DPP10: variants seen among roughly 807,000 people sequenced by gnomAD.
DPP10 encodes the protein inactive dipeptidyl peptidase 10.
Under a neutral mutation model 120.9 loss-of-function variants are expected in DPP10, and 33 were observed. The observed-to-expected ratio is 0.27, with a 90% CI of 0.21 to 0.37. The LOEUF is 0.37. Ranked by LOEUF, DPP10 falls within the 10% of genes least tolerant of loss-of-function variation. The pLI is 1.00. For synonymous variants in DPP10, 337 were observed against 326.1 expected (o/e 1.03, Z -0.36); for missense variants, 816 against 942.8 (o/e 0.87, Z 1.76).
chr2:115,841,465 T>G (rs1690139159), intron 25 of DPP10, among the ~76,000 whole-genome samples: 1 of 152,094 alleles, frequency 6.6e-6, no homozygotes, highest in African/African-American at 2.4e-5. Flanking sequence ...AAGGAAAAAG[T>G]AAAGTCATTT....
chr2:115,469,647 C>T (rs547298107), intron 3 of DPP10, among the ~76,000 whole-genome samples: 57 of 152,210 alleles, frequency 3.7e-4, no homozygotes, highest in Admixed American at 3.2e-3. Context: ...ACCTGTAATC[C>T]GAGCACTTTG....
Position 114,834,229 on chromosome 2 carries a change from G to A in DPP10, c.60+391391G>A, listed in dbSNP as rs1027951724. ...TCTACACACCTATGTATATATATAGGCCATATCTACACACCTATGTATATA... is the reference window on the plus strand; with the variant it reads ...TCTACACACCTATGTATATATATAGACCATATCTACACACCTATGTATATA... On this transcript the variant is annotated intron_variant, in intron 1 of 25. Coordinates refer to ENST00000410059, the MANE Select transcript of DPP10 (RefSeq NM_020868.6). 2.4e-4 allele frequency among the ~76,000 whole-genome samples: 34 copies of A among 139,814 alleles called. 1 individual carries two copies. Among genetic ancestry groups the A allele is most frequent in the African/African-American group, 8.5e-4 (31 of 36,590 alleles). The allele number at this position is 139,814 out of a possible 152,430, so 91.7% of individuals were successfully genotyped here. A position where few individuals can be genotyped will look rare whatever the true frequency, so the allele number is the denominator to read the frequency against.
At chr2:114,655,838 G>A (rs1183090532) in intron 1 of DPP10, among the ~76,000 whole-genome samples, 1 of 151,992 alleles carries the variant, frequency 6.6e-6, no homozygotes, top group African/African-American at 2.4e-5. Context: ...CATTACAAAG[G>A]AATCTCATTG....
intron 5 of DPP10, among the ~76,000 whole-genome samples, chr2:115,548,020 C>A (rs1293923982): frequency 6.6e-6 from 1 of 152,008 alleles, no homozygotes; most frequent in Non-Finnish European, 1.5e-5. Context: ...ACAATAAAAC[C>A]TTGATTAGCT....
At chr2:115,672,710 C>CTTTCTTTCTTTCTTTCTTTCTT (rs10648959) in intron 5 of DPP10, among the ~76,000 whole-genome samples, 3 of 14,174 alleles carry the variant, frequency 2.1e-4, no homozygotes, top group Non-Finnish European at 1.0e-3. Context: ...TTCTTTCTTT[C>CTTTCTTTCTTTCTTTCTTTCTT]TCTTTCTTTC....
chr2:114,726,810 C>T (rs1250252404), intron 1 of DPP10, among the ~76,000 whole-genome samples: 1 of 151,952 alleles, frequency 6.6e-6, no homozygotes, highest in Non-Finnish European at 1.5e-5. Context: ...CTCATTTTTT[C>T]CTGGGAATAT....
intron 19 of DPP10, among the ~76,000 whole-genome samples, chr2:115,801,593 T>A (rs906040307): frequency 6.6e-6 from 1 of 152,188 alleles, no homozygotes; most frequent in Non-Finnish European, 1.5e-5. Context: ...CTCTTATTAT[T>A]TGAGATACGT....
At chr2:114,648,073 T>C (rs570333428) in intron 1 of DPP10, among the ~76,000 whole-genome samples, 3 of 152,300 alleles carry the variant, frequency 2.0e-5, no homozygotes, top group South Asian at 2.1e-4. Context: ...GCTCCCTTCA[T>C]AGATTGTTTT....
intron 7 of DPP10, among the ~76,000 whole-genome samples, chr2:115,707,099 T>A (rs1256675167): frequency 1.3e-5 from 2 of 151,948 alleles, no homozygotes; most frequent in Admixed American, 6.6e-5. Context: ...AAAGCAAATA[T>A]ACACTTTAAT....
intron 1 of DPP10, among the ~76,000 whole-genome samples, chr2:114,624,836 T>C (rs953720402): frequency 1.3e-5 from 2 of 151,910 alleles, no homozygotes; most frequent in Non-Finnish European, 2.9e-5. Flanking sequence ...ATAAAGCACA[T>C]CATCCATCTT....
intron 1 of DPP10, among the ~76,000 whole-genome samples, chr2:114,446,949 T>C (rs1293951455): frequency 6.6e-6 from 1 of 152,064 alleles, no homozygotes; most frequent in Non-Finnish European, 1.5e-5. Flanking sequence ...CGTTAGCAAA[T>C]TGGTATTTTG....
intron 4 of DPP10, among the ~76,000 whole-genome samples, chr2:115,511,533 T>G (rs1413817260): frequency 1.3e-5 from 2 of 151,862 alleles, no homozygotes; most frequent in African/African-American, 4.8e-5. Context: ...CTTATTCATT[T>G]TCTCCATTGT....
chr2:115,425,009 A>G (rs1272472922), intron 3 of DPP10, among the ~76,000 whole-genome samples: 4 of 152,170 alleles, frequency 2.6e-5, no homozygotes, highest in Non-Finnish European at 4.4e-5. Flanking sequence ...TCGTTGGGGA[A>G]TGAGTGGAGA....
At chr2:115,091,592 A>G (rs1709265513) in intron 1 of DPP10, among the ~76,000 whole-genome samples, 1 of 152,172 alleles carries the variant, frequency 6.6e-6, no homozygotes, top group South Asian at 2.1e-4. Context: ...AAAGTAGAAG[A>G]AAAATGGCCT....
At chr2:115,589,750 C>A (rs1014799342) in intron 5 of DPP10, among the ~76,000 whole-genome samples, 1 of 152,044 alleles carries the variant, frequency 6.6e-6, no homozygotes, top group African/African-American at 2.4e-5. Context: ...AAAGTTTAAA[C>A]AAAACTTTAA....
At chr2:115,661,019 C>T (rs569777683) in intron 5 of DPP10, among the ~76,000 whole-genome samples, 8 of 152,046 alleles carry the variant, frequency 5.3e-5, no homozygotes, top group Non-Finnish European at 1.2e-4. Flanking sequence ...GGCGTGATCT[C>T]GGCTCACTGC....
intron 3 of DPP10, among the ~76,000 whole-genome samples, chr2:115,494,783 T>G (rs562441849): frequency 6.6e-6 from 1 of 152,264 alleles, no homozygotes; most frequent in Non-Finnish European, 1.5e-5. Flanking sequence ...AAAAATAGTT[T>G]TAAATGAAGA....
At position 114,663,539 on chromosome 2, in the gene DPP10, A is replaced by G. The variant is rs113560252; in HGVS notation, c.60+220701A>G. ...TTTGGTTGTTTTATTATACATTTCA[A>G]TGTTATTTAGGACAAGTCCCTGTCA... is the stretch of plus-strand genomic sequence containing the variant. On this transcript the variant is annotated intron_variant, in intron 1 of 25. Transcript: ENST00000410059. 1.0e-4 allele frequency among the ~76,000 whole-genome samples: 15 copies of G among 149,942 alleles called. 1 individual carries two copies. The highest frequency in any genetic ancestry group is 4.0e-4 in the Admixed American group (6 of 15,024).
chr2:115,424,449 G>A (rs1470410081), intron 3 of DPP10, among the ~76,000 whole-genome samples: 2 of 151,560 alleles, frequency 1.3e-5, no homozygotes, highest in African/African-American at 2.4e-5. Flanking sequence ...CTGCCTTAGT[G>A]TACTGTCAAG....
Sources: gnomAD v4.1 joint callset for allele counts (sites outside exome capture counted in the v4.1 genomes callset) on GRCh38, gnomAD v4.1.1 for gene constraint, MANE v1.5 for transcripts, NCBI Gene and HGNC (gene_info 2026-07-23, HGNC 2026-07-21) for gene names.